The following SEMA3C variants were observed in gnomAD, a reference collection of about 807,000 sequenced individuals.
SEMA3C encodes semaphorin-3C.
A neutral mutation model predicts 89.4 loss-of-function variants in SEMA3C; 47 were observed. That is an observed-to-expected ratio of 0.53 (90% CI 0.42 to 0.67). The LOEUF (loss-of-function observed/expected upper bound fraction) is 0.67, where lower values mean the gene tolerates loss of function less well. SEMA3C is among the 30% of genes least tolerant of loss of function. The pLI, the probability that SEMA3C is intolerant of heterozygous loss-of-function variation, is 0.00. For synonymous variants in SEMA3C, 310 were observed against 320.2 expected (o/e 0.97, Z 0.34); for missense variants, 839 against 929.1 (o/e 0.90, Z 1.26).
At chr7:80,812,514 G>A (rs998885823) in intron 5 of SEMA3C, among the ~76,000 whole-genome samples, 2 of 152,096 alleles carry the variant, frequency 1.3e-5, no homozygotes, top group Admixed American at 6.6e-5. Context: ...TCTAGAGCTG[G>A]AGACTGATTT....
intron 2 of SEMA3C, among the ~76,000 whole-genome samples, chr7:80,836,615 T>C (rs148973184): frequency 3.0e-4 from 46 of 152,142 alleles, no homozygotes; most frequent in African/African-American, 1.1e-3. Context: ...GAGGCGGAGA[T>C]TGCAGAGAGC....
chr7:80,764,865 T>C (rs1788261667), intron 13 of SEMA3C, among the ~76,000 whole-genome samples: 1 of 152,148 alleles, frequency 6.6e-6, no homozygotes, highest in Non-Finnish European at 1.5e-5. Flanking sequence ...CCTTGACAAC[T>C]AGAACTCATT....
chr7:80,877,601 C>T (rs1279974533), intron 2 of SEMA3C, among the ~76,000 whole-genome samples: 2 of 152,112 alleles, frequency 1.3e-5, no homozygotes, highest in African/African-American at 4.8e-5. Flanking sequence ...ATTTTATCTA[C>T]ATTTCTTTAA....
intron 13 of SEMA3C, 27 bp downstream of exon 13, chr7:80,765,128 T>C (rs1788267678): frequency 1.3e-6 from 2 of 1,514,130 alleles, no homozygotes; most frequent in African/African-American, 2.8e-5. Context: ...ATGCATGTTC[T>C]GAGATTAATA....
In SEMA3C at chr7:80,818,340, T is replaced by C; in HGVS notation, c.406A>G (p.Ser136Gly). The change falls in exon 5 of 18, where the codon AGT becomes GGT. Residue 136 changes from serine (S) to glycine (G), a missense_variant. By Grantham distance (56) the Ser-to-Gly change is moderately conservative. Coordinates refer to ENST00000265361, the MANE Select transcript of SEMA3C (RefSeq NM_006379.5). ...CTGTTCAAGTAAGTACAGACAGGAC[T>C]GAAAGCGCCACTCCCACAGACATAC... The part of the protein sequence containing the change: ...HLYVCGSGAF[S>G]PVCTYLNRGR... 1.2e-6 allele frequency: 2 copies of C among 1,613,652 alleles called. No homozygotes were observed. The highest frequency in any genetic ancestry group is 1.7e-6 in the Non-Finnish European group (2 of 1,179,630).
At chr7:80,749,085 C>T (rs1787866793) in intron 16 of SEMA3C, 57 bp from the exon 17 acceptor site, 7 of 1,513,050 alleles carry the variant, frequency 4.6e-6, no homozygotes, top group Admixed American at 2.2e-5. Context: ...GAATTTAGAG[C>T]ACATTCTCCT....
intron 2 of SEMA3C, among the ~76,000 whole-genome samples, chr7:80,913,235 T>C (rs1244480469): frequency 6.6e-6 from 1 of 152,064 alleles, no homozygotes; most frequent in African/African-American, 2.4e-5. Context: ...ACCCTGTCTC[T>C]ACTAAAAGTA....
chr7:80,792,786 T>C (rs1337058285), intron 11 of SEMA3C, among the ~76,000 whole-genome samples: 1 of 152,212 alleles, frequency 6.6e-6, no homozygotes, highest in African/African-American at 2.4e-5. Flanking sequence ...ATAATTATTC[T>C]ATTGATTCAT....
At chr7:80,849,554 A>G (rs1305149798) in intron 2 of SEMA3C, among the ~76,000 whole-genome samples, 1 of 152,164 alleles carries the variant, frequency 6.6e-6, no homozygotes, top group Non-Finnish European at 1.5e-5. Flanking sequence ...TTCATAACTG[A>G]AGGATCAAAA....
rs1349618565 is a variant in SEMA3C, at chr7:80,752,134, A to G, written c.1644-798T>C. 2.0e-5 allele frequency among the ~76,000 whole-genome samples: 3 copies of G among 152,366 alleles called. No homozygotes were observed. The East Asian group carries it at 5.8e-4, about 29-fold the overall frequency. On this transcript the variant is annotated intron_variant, in intron 15 of 17. Transcript: ENST00000265361. The stretch of plus-strand genomic sequence containing the variant: ...TGTGTTTTTCAACGACAATATTTCA[A>G]CATAACAATATAATTATCTAAATAT...
At chr7:80,757,148 T>C (rs530166734) in intron 15 of SEMA3C, among the ~76,000 whole-genome samples, 2 of 152,328 alleles carry the variant, frequency 1.3e-5, no homozygotes, top group South Asian at 2.1e-4. Context: ...CTCAAAGGAA[T>C]GTAGAGAATA....
intron 12 of SEMA3C, among the ~76,000 whole-genome samples, chr7:80,775,523 C>T (rs1024422817): frequency 5.9e-5 from 9 of 152,122 alleles, no homozygotes; most frequent in African/African-American, 1.9e-4. Flanking sequence ...GAATTATATT[C>T]TATTTTTAAT....
At chr7:80,830,653 C>A (rs1398620173) in intron 2 of SEMA3C, among the ~76,000 whole-genome samples, 2 of 152,006 alleles carry the variant, frequency 1.3e-5, no homozygotes, top group Admixed American at 6.6e-5. Context: ...GAACAAAAGA[C>A]AGGTCATTAA....
intron 11 of SEMA3C, among the ~76,000 whole-genome samples, chr7:80,795,303 G>A (rs771849012): frequency 1.3e-5 from 2 of 152,088 alleles, no homozygotes; most frequent in Non-Finnish European, 2.9e-5. Flanking sequence ...TCTTCAGGGA[G>A]GTACGCTTTT....
chr7:80,918,935 C>T lies in SEMA3C; in HGVS notation c.-146G>A. 2.0e-6 allele frequency: 2 copies of T among 985,452 alleles called. No individual in the cohort carries two copies. Among genetic ancestry groups the T allele is most frequent in the Non-Finnish European group, 1.2e-6 (1 of 829,946 alleles). The allele number at this position is 985,452 out of a possible 1,614,324, so 61.0% of individuals were successfully genotyped here. The stretch of plus-strand genomic sequence containing the variant: ...GACGACCTTATTTTCTAGCACGTCG[C>T]AAAGGTGAAATTCTTTCTTCCCGGT... On this transcript the variant is annotated 5_prime_UTR_variant, in exon 1 of 18. Coordinates refer to ENST00000265361, the MANE Select transcript of SEMA3C (RefSeq NM_006379.5).
chr7:80,901,591 T>C, intron 2 of SEMA3C, among the ~76,000 whole-genome samples: 1 of 152,254 alleles, frequency 6.6e-6, no homozygotes, highest in East Asian at 1.9e-4. Flanking sequence ...AAAATGTATC[T>C]TTCCATTAAA....
intron 6 of SEMA3C, among the ~76,000 whole-genome samples, chr7:80,806,539 A>T (rs1190453875): frequency 6.6e-6 from 1 of 152,220 alleles, no homozygotes; most frequent in Non-Finnish European, 1.5e-5. Flanking sequence ...AAGATACTTA[A>T]AATTAAATAA....
At chr7:80,823,516 T>C (rs141129089) in intron 4 of SEMA3C, among the ~76,000 whole-genome samples, 29 of 152,256 alleles carry the variant, frequency 1.9e-4, no homozygotes, top group Non-Finnish European at 2.9e-5. Context: ...TATTGACTCA[T>C]TATGGTCCAT....
At chr7:80,828,517 T>C (rs1163157316) in intron 3 of SEMA3C, 68 bp downstream of exon 3, 3 of 1,280,278 alleles carry the variant, frequency 2.3e-6, no homozygotes, top group Non-Finnish European at 3.2e-6. Context: ...ATTTTTTACT[T>C]ATTTATTTTT....
Sources: gnomAD v4.1 joint callset for allele counts (sites outside exome capture counted in the v4.1 genomes callset) on GRCh38, gnomAD v4.1.1 for gene constraint, MANE v1.5 for transcripts, NCBI Gene and HGNC (gene_info 2026-07-23, HGNC 2026-07-21) for gene names.